The following PPP2R2C variants were observed in gnomAD, a reference collection of about 807,000 sequenced individuals.
PPP2R2C encodes the protein protein phosphatase 2 regulatory subunit Bgamma, also known as protein phosphatase 2, regulatory subunit B, gamma.
PPP2R2C carries 10 observed loss-of-function variants against 45.3 expected under a neutral mutation model. The ratio of observed to expected loss-of-function variants is 0.22; its 90% CI spans 0.14 to 0.37. PPP2R2C has a LOEUF of 0.37. Among genes scored for constraint, PPP2R2C ranks in the 10% least tolerant of loss-of-function variants. The probability of loss-of-function intolerance (pLI) is 1.00; values close to 1 mark genes in which losing one functional copy is unlikely to be tolerated. For synonymous variants in PPP2R2C, 257 were observed against 245.4 expected (o/e 1.05, Z -0.44); for missense variants, 308 against 619.7 (o/e 0.50, Z 5.34).
intron 6 of PPP2R2C, among the ~76,000 whole-genome samples, chr4:6,334,412 C>A (rs755899197): frequency 1.2e-4 from 18 of 152,160 alleles, no homozygotes; most frequent in Non-Finnish European, 1.9e-4. Flanking sequence ...GTTTGCTGCC[C>A]ACCTGGACAA....
At chr4:6,518,938 A>AG (rs1290057893) in intron 2 of PPP2R2C, among the ~76,000 whole-genome samples, 1 of 111,764 alleles carries the variant, frequency 8.9e-6, no homozygotes, top group Non-Finnish European at 2.0e-5. Flanking sequence ...AAAAAAAAAA[A>AG]AAAAAAAAAA....
At chr4:6,362,726 G>A (rs760376415) in intron 5 of PPP2R2C, among the ~76,000 whole-genome samples, 3 of 152,176 alleles carry the variant, frequency 2.0e-5, no homozygotes, top group East Asian at 1.9e-4. Flanking sequence ...ATGCAACAGC[G>A]GCATCTTGCA....
intron 5 of PPP2R2C, 49 bp downstream of exon 5, chr4:6,372,474 A>C (rs1437341402): frequency 5.7e-6 from 9 of 1,576,064 alleles, no homozygotes; most frequent in Non-Finnish European, 6.9e-6. Flanking sequence ...CACCCAACGG[A>C]AGCTACTCTG....
chr4:6,503,327 C>T (rs1227359689), intron 2 of PPP2R2C, among the ~76,000 whole-genome samples: 5 of 152,202 alleles, frequency 3.3e-5, no homozygotes, highest in African/African-American at 1.2e-4. Flanking sequence ...CACTCAGCCA[C>T]CACCCTGGAG....
intron 1 of PPP2R2C, chr4:6,381,971 G>T: frequency 6.9e-7 from 1 of 1,444,408 alleles, no homozygotes; most frequent in Non-Finnish European, 9.1e-7. Flanking sequence ...CCTGGGAGTG[G>T]GGGAGAGCAG....
chr4:6,540,800 G>C (rs1043802644), intron 1 of PPP2R2C, among the ~76,000 whole-genome samples: 1 of 152,208 alleles, frequency 6.6e-6, no homozygotes, highest in African/African-American at 2.4e-5. Context: ...TGGGAAGAAA[G>C]CAAAAATCTC....
intron 1 of PPP2R2C, among the ~76,000 whole-genome samples, chr4:6,448,426 C>T (rs531524649): frequency 5.3e-5 from 8 of 152,240 alleles, no homozygotes; most frequent in African/African-American, 1.9e-4. Context: ...TAACAAGCTG[C>T]TCTGGGACCT....
intron 1 of PPP2R2C, among the ~76,000 whole-genome samples, chr4:6,434,620 A>G (rs1719806440): frequency 2.0e-5 from 3 of 152,014 alleles, no homozygotes; most frequent in Non-Finnish European, 4.4e-5. Context: ...CGGCCTCCCA[A>G]AGTGCTGGGA....
At chr4:6,453,276 G>T (rs951658213) in intron 1 of PPP2R2C, among the ~76,000 whole-genome samples, 1 of 152,188 alleles carries the variant, frequency 6.6e-6, no homozygotes. Context: ...GTTGGCCCCA[G>T]GATGGCCAGA....
chr4:6,540,518 T>G (rs904108304), intron 1 of PPP2R2C, among the ~76,000 whole-genome samples: 1 of 152,290 alleles, frequency 6.6e-6, no homozygotes, highest in Admixed American at 6.5e-5. Flanking sequence ...CTACTATGAA[T>G]AGTGCCACTA....
At chr4:6,469,447 A>G (rs1721749699) in intron 1 of PPP2R2C, among the ~76,000 whole-genome samples, 1 of 152,206 alleles carries the variant, frequency 6.6e-6, no homozygotes, top group Non-Finnish European at 1.5e-5. Flanking sequence ...TTCTTCCGCA[A>G]ACTGAATTTT....
intron 1 of PPP2R2C, among the ~76,000 whole-genome samples, chr4:6,454,193 C>T (rs959502630): frequency 2.6e-5 from 4 of 152,146 alleles, no homozygotes; most frequent in African/African-American, 4.8e-5. Flanking sequence ...CTGCCCAGGG[C>T]GTCTGTGGCA....
intron 1 of PPP2R2C, among the ~76,000 whole-genome samples, chr4:6,547,631 G>A (rs1033555991): frequency 3.9e-5 from 6 of 152,076 alleles, no homozygotes; most frequent in Non-Finnish European, 8.8e-5. Flanking sequence ...GACACCACAG[G>A]GAAGCCATAG....
At chr4:6,390,260 G>C (rs961736066) in intron 1 of PPP2R2C, among the ~76,000 whole-genome samples, 14 of 152,238 alleles carry the variant, frequency 9.2e-5, no homozygotes, top group African/African-American at 3.1e-4. Flanking sequence ...GGGGGATTGA[G>C]CAAAGCCACA....
intron 5 of PPP2R2C, among the ~76,000 whole-genome samples, chr4:6,370,416 C>T (rs915609142): frequency 6.6e-6 from 1 of 152,196 alleles, no homozygotes; most frequent in African/African-American, 2.4e-5. Context: ...CCTGGAGCTC[C>T]TGCTAGGAGA....
At chr4:6,379,690 GC>G (rs1715626527) in intron 2 of PPP2R2C, among the ~76,000 whole-genome samples, 1 of 152,222 alleles carries the variant, frequency 6.6e-6, no homozygotes, top group Non-Finnish European at 1.5e-5. Context: ...ACAGGTGCTG[GC>G]CGAGTGCTGT....
At chr4:6,477,984 G>T (rs949576006) in intron 2 of PPP2R2C, among the ~76,000 whole-genome samples, 1 of 151,876 alleles carries the variant, frequency 6.6e-6, no homozygotes, top group Non-Finnish European at 1.5e-5. Flanking sequence ...ATGTTTCCAG[G>T]CTCCCAGCTC....
Position 6,368,286 on chromosome 4 carries a change from G to A in PPP2R2C, c.625+4237C>T, listed in dbSNP as rs940584035. On this transcript the variant is annotated intron_variant, in intron 5 of 8. Coordinates refer to ENST00000382599, the MANE Select transcript of PPP2R2C (RefSeq NM_020416.4). The surrounding 1 kb of genome is among the most constrained non-coding windows in gnomAD (Gnocchi z 4.2). Reference sequence around the variant, plus strand: ...CTGAGGCCTGCAGCCAGCAGCAGGCGTGGCTGGAGAGAAATGTACACGGCT... The same window carrying A: ...CTGAGGCCTGCAGCCAGCAGCAGGCATGGCTGGAGAGAAATGTACACGGCT... Among the ~76,000 whole-genome samples the A allele has an allele frequency of 3.3e-5, 5 of 152,212 alleles. No homozygotes were observed. The highest frequency in any genetic ancestry group is 7.3e-5 in the Non-Finnish European group (5 of 68,040).
At chr4:6,462,846 G>A (rs114533605) in intron 1 of PPP2R2C, among the ~76,000 whole-genome samples, 4 of 152,180 alleles carry the variant, frequency 2.6e-5, no homozygotes, top group African/African-American at 9.6e-5. Flanking sequence ...AGTAAATGAA[G>A]GAAGTACAGC....
Sources: allele counts gnomAD v4.1 joint callset (sites outside exome capture counted in the v4.1 genomes callset), GRCh38; gene constraint gnomAD v4.1.1; non-coding constraint Gnocchi (gnomAD v3.1); transcripts MANE v1.5; gene names NCBI Gene and HGNC (gene_info 2026-07-23, HGNC 2026-07-21).